GTF2F2: variants seen among roughly 807,000 people sequenced by gnomAD.
GTF2F2 encodes general transcription factor IIF subunit 2, also known as ATP-dependent helicase GTF2F2.
Under a neutral mutation model 42.2 loss-of-function variants are expected in GTF2F2, and 23 were observed. That is an observed-to-expected ratio of 0.55 (90% CI 0.39 to 0.77). The LOEUF (loss-of-function observed/expected upper bound fraction) is 0.77, where lower values mean the gene tolerates loss of function less well. GTF2F2 is among the 30% of genes least tolerant of loss of function. GTF2F2 has a pLI of 0.00. For missense variants in GTF2F2, 261 were observed against 287.2 expected (o/e 0.91, Z 0.66); for synonymous variants, 105 against 100.8 (o/e 1.04, Z -0.25).
At position 45,135,504 on chromosome 13, in the gene GTF2F2, C is replaced by T. The variant is rs1400159362; in HGVS notation, c.67-1229C>T. 5.3e-5 allele frequency among the ~76,000 whole-genome samples: 8 copies of T among 151,918 alleles called. No individual in the cohort carries two copies. The East Asian group carries it at 5.8e-4, about 11-fold the overall frequency. ...TGAACTCATGACCTCGTGATCTGCCCGCCTCGGCCTTCCAAAGTGCTGGGA... is the reference window on the plus strand; with the variant it reads ...TGAACTCATGACCTCGTGATCTGCCTGCCTCGGCCTTCCAAAGTGCTGGGA... On this transcript the variant is annotated intron_variant, in intron 1 of 7. Coordinates refer to ENST00000340473, the MANE Select transcript of GTF2F2 (RefSeq NM_004128.3).
rs1318975055 is a variant in GTF2F2 at position 45,267,376 on chromosome 13, G to C, written c.630G>C (p.Val210=). The C allele has an allele frequency of 6.3e-7, 1 of 1,596,946 alleles. No homozygotes were observed. Among genetic ancestry groups the C allele is most frequent in the East Asian group, 2.2e-5 (1 of 44,748 alleles). Residue 210 remains valine (V), a splice_region_variant and synonymous_variant, in exon 7 of 8, where the codon GTG becomes GTC. Coordinates refer to ENST00000340473, the MANE Select transcript of GTF2F2 (RefSeq NM_004128.3). ...KDLVDITKQP[V]VYLKEILKEI... ...TGGTGGACATCACAAAGCAACCTGT[G>C]GTATGTATATGTTCATACTGATCCT...
At chr13:45,201,192 T>C (rs1873162772) in intron 4 of GTF2F2, among the ~76,000 whole-genome samples, 1 of 152,248 alleles carries the variant, frequency 6.6e-6, no homozygotes, top group Non-Finnish European at 1.5e-5. Context: ...AAAGTGCCAG[T>C]ATCATTTCTC....
chr13:45,140,595 A>G (rs9595247), intron 2 of GTF2F2, among the ~76,000 whole-genome samples: 14,939 of 152,224 alleles, frequency 0.098, 1,924 homozygotes, highest in African/African-American at 0.3. Context: ...TAAGATGAAC[A>G]TATTCCTGGA....
chr13:45,248,412 TTTTTG>T (rs569890942), intron 5 of GTF2F2, among the ~76,000 whole-genome samples: 3 of 152,130 alleles, frequency 2.0e-5, no homozygotes, highest in African/African-American at 7.2e-5. Flanking sequence ...TTTTTGTGTT[TTTTTG>T]TTTTGTTTTG....
chr13:45,255,648 A>G (rs750293624), intron 6 of GTF2F2, among the ~76,000 whole-genome samples: 3 of 152,182 alleles, frequency 2.0e-5, no homozygotes, highest in Non-Finnish European at 4.4e-5. Context: ...ATGGGAATAC[A>G]CACAGTTTTC....
At chr13:45,120,787 T>C (rs1382359646) in intron 1 of GTF2F2, 66 bp downstream of exon 1, 2 of 1,199,504 alleles carry the variant, frequency 1.7e-6, no homozygotes, top group African/African-American at 1.5e-5. Flanking sequence ...AACTTGAGCC[T>C]ATCCCGCTCC....
At chr13:45,250,081 GTCTC>G (rs1422775912) in intron 5 of GTF2F2, among the ~76,000 whole-genome samples, 2 of 111,548 alleles carry the variant, frequency 1.8e-5, no homozygotes, top group Non-Finnish European at 3.4e-5. Flanking sequence ...TTTTGAGACA[GTCTC>G]TCTCTGTCAC....
At chr13:45,151,490 C>T (rs990264218) in intron 3 of GTF2F2, among the ~76,000 whole-genome samples, 197 bp from the exon 4 acceptor site, 1 of 152,010 alleles carries the variant, frequency 6.6e-6, no homozygotes, top group Non-Finnish European at 1.5e-5. Context: ...TCCCAAGTAG[C>T]GGGGATTATA....
intron 4 of GTF2F2, among the ~76,000 whole-genome samples, chr13:45,192,023 T>C (rs1325640073): frequency 6.6e-6 from 1 of 152,110 alleles, no homozygotes; most frequent in Non-Finnish European, 1.5e-5. Flanking sequence ...AGTAAATCAC[T>C]ACCTTTTTTT....
chr13:45,163,497 C>G (rs1355095705), intron 4 of GTF2F2, among the ~76,000 whole-genome samples: 1 of 151,850 alleles, frequency 6.6e-6, no homozygotes, highest in Non-Finnish European at 1.5e-5. Context: ...GATAGCGCCA[C>G]TGCACTCCAG....
intron 5 of GTF2F2, among the ~76,000 whole-genome samples, chr13:45,223,987 A>G (rs1050254748): frequency 6.6e-6 from 1 of 152,194 alleles, no homozygotes; most frequent in Non-Finnish European, 1.5e-5. Flanking sequence ...ACTTTAATGA[A>G]TGAATATCTT....
rs1870251139 is a variant in GTF2F2, at chr13:45,147,465, G to C, written c.141-2305G>C. Among the ~76,000 whole-genome samples the C allele has an allele frequency of 1.3e-5, 2 of 152,118 alleles. 1 individual carries two copies. The highest frequency in any genetic ancestry group is 4.1e-4 in the South Asian group (2 of 4,820). On this transcript the variant is annotated intron_variant, in intron 2 of 7. Coordinates refer to ENST00000340473, the MANE Select transcript of GTF2F2 (RefSeq NM_004128.3). The stretch of plus-strand genomic sequence containing the variant: ...AGCTAAATTCAGGAGTGCTAGAGAG[G>C]GGACTGTGGTGAATTTAGTGCCTGC...
At chr13:45,145,001 T>G (rs1870125048) in intron 2 of GTF2F2, among the ~76,000 whole-genome samples, 1 of 152,216 alleles carries the variant, frequency 6.6e-6, no homozygotes, top group African/African-American at 2.4e-5. Context: ...TCTCTGCCAG[T>G]TAGCTCACAG....
intron 1 of GTF2F2, among the ~76,000 whole-genome samples, chr13:45,121,788 C>T (rs763062261): frequency 6.6e-6 from 1 of 152,180 alleles, no homozygotes; most frequent in Non-Finnish European, 1.5e-5. Flanking sequence ...CATTCTTCAG[C>T]CCTCGCCTTA....
At chr13:45,276,467 G>C (rs1016233816) in intron 7 of GTF2F2, among the ~76,000 whole-genome samples, 1 of 147,492 alleles carries the variant, frequency 6.8e-6, no homozygotes, top group African/African-American at 2.5e-5. Flanking sequence ...ATGGAGTCTC[G>C]CTCTTACCAC....
At chr13:45,142,235 C>T (rs754549304) in intron 2 of GTF2F2, among the ~76,000 whole-genome samples, 12 of 152,180 alleles carry the variant, frequency 7.9e-5, no homozygotes, top group African/African-American at 1.9e-4. Flanking sequence ...GGCGTGATCT[C>T]GGCTCACTGC....
intron 2 of GTF2F2, among the ~76,000 whole-genome samples, chr13:45,148,006 T>C (rs541474940): frequency 1.3e-4 from 20 of 152,362 alleles, no homozygotes; most frequent in African/African-American, 4.6e-4. Context: ...GACGTGTCTA[T>C]TTTCATTAAA....
intron 5 of GTF2F2, among the ~76,000 whole-genome samples, chr13:45,230,675 C>T (rs1246600508): frequency 6.6e-6 from 1 of 152,128 alleles, no homozygotes; most frequent in African/African-American, 2.4e-5. Flanking sequence ...AAATTGTTTA[C>T]AGTGATATGT....
intron 5 of GTF2F2, among the ~76,000 whole-genome samples, chr13:45,252,224 C>T (rs1875907630): frequency 6.6e-6 from 1 of 152,178 alleles, no homozygotes; most frequent in Non-Finnish European, 1.5e-5. Flanking sequence ...CTCACTGTGG[C>T]CTCGACCTCC....
Sources: allele counts gnomAD v4.1 joint callset (sites outside exome capture counted in the v4.1 genomes callset), GRCh38; gene constraint gnomAD v4.1.1; transcripts MANE v1.5; gene names NCBI Gene and HGNC (gene_info 2026-07-23, HGNC 2026-07-21).